The following DCP2 variants were observed in gnomAD, a reference collection of about 807,000 sequenced individuals.
DCP2 encodes m7GpppN-mRNA hydrolase.
A neutral mutation model predicts 56.1 loss-of-function variants in DCP2; 30 were observed. The ratio of observed to expected loss-of-function variants is 0.53; its 90% CI spans 0.40 to 0.73. DCP2 has a LOEUF of 0.73. Ranked by LOEUF, DCP2 falls within the 30% of genes least tolerant of loss-of-function variation. The pLI is 0.00. For synonymous variants in DCP2, 197 were observed against 163.3 expected, an observed-to-expected ratio of 1.21 and a Z score of -1.57; for missense variants, 533 against 502.7, an observed-to-expected ratio of 1.06 and a Z score of -0.58.
chr5:112,987,730 T>C (rs2150172431), intron 2 of DCP2, among the ~76,000 whole-genome samples: 1 of 148,894 alleles, frequency 6.7e-6, no homozygotes, highest in East Asian at 2.0e-4. Flanking sequence ...TGCCTTGGCC[T>C]ACCAAAGTGC....
Position 113,017,702 on chromosome 5 carries a change from C to G in DCP2, c.*4218C>G, listed in dbSNP as rs1014507841. ...GAAGGGAGAAGAATAGCTATAGTTG[C>G]TGGGCAAAGAGTGTAAGAAAGAAAC... On this transcript the variant is annotated 3_prime_UTR_variant, in exon 11 of 11. Coordinates refer to ENST00000389063, the MANE Select transcript of DCP2 (RefSeq NM_152624.6). The G allele has an allele frequency of 1.3e-5, 2 of 152,054 alleles. No homozygotes were observed. The highest frequency in any genetic ancestry group is 4.8e-5 in the African/African-American group (2 of 41,396). 9.4% of individuals were successfully genotyped at this position (152,054 alleles called of 1,614,324 possible). A position where few individuals can be genotyped will look rare whatever the true frequency, so the allele number is the denominator to read the frequency against.
intron 1 of DCP2, among the ~76,000 whole-genome samples, chr5:112,981,743 T>C (rs1251473760): frequency 6.6e-6 from 1 of 152,196 alleles, no homozygotes; most frequent in Non-Finnish European, 1.5e-5. Flanking sequence ...TATATGCTTT[T>C]GTTACTATTG....
rs1750093284 is a variant in DCP2 at position 113,020,950 on chromosome 5, G to A, written c.*7466G>A. On this transcript the variant is annotated 3_prime_UTR_variant, in exon 11 of 11. Transcript: ENST00000389063. Reference sequence around the variant, plus strand: ...ACTATCAATAAAATTGGCTGCTTGGGCGGTTTTAGTTACCACCTTAGCCTG... The same window carrying A: ...ACTATCAATAAAATTGGCTGCTTGGACGGTTTTAGTTACCACCTTAGCCTG... The A allele has an allele frequency of 6.6e-6, 1 of 152,144 alleles. No homozygotes were observed. 9.4% of individuals were successfully genotyped at this position (152,144 alleles called of 1,614,324 possible).
chr5:112,986,739 C>G (rs1162494222), intron 2 of DCP2, among the ~76,000 whole-genome samples: 2 of 152,026 alleles, frequency 1.3e-5, no homozygotes, highest in African/African-American at 4.8e-5. Context: ...TGGCTCACAC[C>G]TATAATCCCA....
intron 8 of DCP2, among the ~76,000 whole-genome samples, chr5:113,004,346 A>G (rs1749315485): frequency 6.6e-6 from 1 of 152,248 alleles, no homozygotes; most frequent in African/African-American, 2.4e-5. Context: ...GTCATAAGGA[A>G]AATATTTTCC....
chr5:112,979,198 GT>G (rs1473360162), intron 1 of DCP2, among the ~76,000 whole-genome samples: 1 of 152,046 alleles, frequency 6.6e-6, no homozygotes, highest in Non-Finnish European at 1.5e-5. Flanking sequence ...TCTTTTTGCA[GT>G]TACTGTTTTT....
In DCP2 at chr5:113,019,430, C is replaced by CTACTGTTCTAGGGGACTGCTG. The variant is rs1330242714; in HGVS notation, c.*5948_*5968dup. The CTACTGTTCTAGGGGACTGCTG allele has an allele frequency of 5.7e-4, 86 of 152,190 alleles. No individual in the cohort carries two copies. Among genetic ancestry groups the CTACTGTTCTAGGGGACTGCTG allele is most frequent in the African/African-American group, 2.0e-3 (83 of 41,446 alleles). 9.4% of individuals were successfully genotyped at this position (152,190 alleles called of 1,614,324 possible). On this transcript the variant is annotated 3_prime_UTR_variant, in exon 11 of 11. Transcript: ENST00000389063. ...GCTAAGAGTTTCTTTGTGCATTTCA[C>CTACTGTTCTAGGGGACTGCTG]TACTGTTCTAGGGGACTGCTGTCTC...
chr5:112,994,899 CTG>C (rs1748778584), intron 4 of DCP2, among the ~76,000 whole-genome samples: 1 of 152,130 alleles, frequency 6.6e-6, no homozygotes, highest in South Asian at 2.1e-4. Context: ...GAATTTAAGA[CTG>C]TTTGAAATGG....
Position 113,015,899 on chromosome 5 carries a change from A to G in DCP2, c.*2415A>G, listed in dbSNP as rs1285904802. The G allele has an allele frequency of 6.6e-6, 1 of 152,658 alleles. No individual in the cohort carries two copies. Among genetic ancestry groups the G allele is most frequent in the Non-Finnish European group, 1.5e-5 (1 of 68,034 alleles). The allele number at this position is 152,658 out of a possible 1,614,324, so 9.5% of individuals were successfully genotyped here. A position where few individuals can be genotyped will look rare whatever the true frequency, so the allele number is the denominator to read the frequency against. ...TGAGGAAATCAAGTGATAAAGGAGT[A>G]TGCTGAATATGCAATCATTTACTTC... On this transcript the variant is annotated 3_prime_UTR_variant, in exon 11 of 11. Transcript: ENST00000389063.
intron 7 of DCP2, among the ~76,000 whole-genome samples, chr5:113,003,591 G>T (rs954961566): frequency 2.6e-5 from 4 of 152,040 alleles, no homozygotes; most frequent in African/African-American, 9.7e-5. Flanking sequence ...GCAGGAAAAT[G>T]TACATTCGTT....
intron 7 of DCP2, among the ~76,000 whole-genome samples, chr5:113,003,553 A>G (rs891576913): frequency 9.5e-4 from 145 of 152,250 alleles, no homozygotes; most frequent in African/African-American, 3.3e-3. Context: ...TCCAGCCTGG[A>G]TGACAGAGGG....
At chr5:113,007,728 A>G (rs1399714969) in intron 8 of DCP2, among the ~76,000 whole-genome samples, 4 of 152,130 alleles carry the variant, frequency 2.6e-5, no homozygotes, top group Middle Eastern at 3.2e-3. Flanking sequence ...GGGCAAGTGT[A>G]TTTGCTATTT....
intron 7 of DCP2, among the ~76,000 whole-genome samples, chr5:113,002,984 G>T (rs1038396650): frequency 8.5e-5 from 13 of 152,300 alleles, no homozygotes; most frequent in African/African-American, 2.9e-4. Context: ...TACATTTTCT[G>T]TAATTTGGAT....
chr5:112,992,065 T>C, intron 2 of DCP2, 56 bp from the exon 3 acceptor site: 1 of 1,589,136 alleles, frequency 6.3e-7, no homozygotes, highest in East Asian at 2.2e-5. Flanking sequence ...TCTTTCTGTA[T>C]ATAATTTCTC....
chr5:113,001,014 G>A, intron 4 of DCP2, 70 bp from the exon 5 acceptor site: 2 of 1,421,780 alleles, frequency 1.4e-6, no homozygotes, highest in Non-Finnish European at 1.9e-6. Context: ...TTTTGTCTTG[G>A]GAATAAATTT....
chr5:112,976,823 C>T lies in DCP2; in HGVS notation c.-111C>T, dbSNP rs761380069. On this transcript the variant is annotated 5_prime_UTR_variant, in exon 1 of 11. Coordinates refer to ENST00000389063, the MANE Select transcript of DCP2 (RefSeq NM_152624.6). Reference sequence around the variant, plus strand: ...CTCGTCTCCGTTGGAGTCGTCTCTGCCGCGGCTTCCTCGGCTGCCAGCTCT... The same window carrying T: ...CTCGTCTCCGTTGGAGTCGTCTCTGTCGCGGCTTCCTCGGCTGCCAGCTCT... 8.1e-6 allele frequency: 9 copies of T among 1,112,454 alleles called. No individual in the cohort carries two copies. Among genetic ancestry groups the T allele is most frequent in the South Asian group, 1.2e-5 (1 of 81,044 alleles). 68.9% of individuals were successfully genotyped at this position (1,112,454 alleles called of 1,614,324 possible).
At chr5:113,004,119 A>C (rs1749305774) in intron 8 of DCP2, 42 bp downstream of exon 8, 5 of 1,590,206 alleles carry the variant, frequency 3.1e-6, no homozygotes, top group Non-Finnish European at 4.3e-6. Context: ...AATTTAGATC[A>C]TTTGGCTTTG....
chr5:112,998,342 AAG>A (rs1748960138), intron 4 of DCP2, among the ~76,000 whole-genome samples: 1 of 152,142 alleles, frequency 6.6e-6, no homozygotes, highest in Non-Finnish European at 1.5e-5. Flanking sequence ...TTTATCTTTT[AAG>A]TCCTAGCTCC....
Position 113,017,107 on chromosome 5 carries a change from CCT to C in DCP2, c.*3624_*3625del, listed in dbSNP as rs983606207. The C allele has an allele frequency of 6.6e-6, 1 of 152,056 alleles. No individual in the cohort carries two copies. Among genetic ancestry groups the C allele is most frequent in the African/African-American group, 2.4e-5 (1 of 41,402 alleles). The allele number at this position is 152,056 out of a possible 1,614,324, so 9.4% of individuals were successfully genotyped here. A position where few individuals can be genotyped will look rare whatever the true frequency, so the allele number is the denominator to read the frequency against. ...TTTGTACCAGTGGACCTTCCTGCTCCCTGAGACTGTTTTGATTGACATCTTTT... is the reference window on the plus strand; with the variant it reads ...TTTGTACCAGTGGACCTTCCTGCTCCGAGACTGTTTTGATTGACATCTTTT... On this transcript the variant is annotated 3_prime_UTR_variant, in exon 11 of 11. Transcript: ENST00000389063.
Sources: gnomAD v4.1 joint callset for allele counts (sites outside exome capture counted in the v4.1 genomes callset) on GRCh38, gnomAD v4.1.1 for gene constraint, MANE v1.5 for transcripts, NCBI Gene and HGNC (gene_info 2026-07-23, HGNC 2026-07-21) for gene names.